The following BMPER variants were observed in gnomAD, a reference collection of about 807,000 sequenced individuals.
The protein encoded by BMPER is BMP-binding endothelial regulator protein.
Under a neutral mutation model 87.3 loss-of-function variants are expected in BMPER, and 45 were observed. That is an observed-to-expected ratio of 0.52 (90% confidence interval 0.41 to 0.66). The LOEUF is 0.66. Among genes scored for constraint, BMPER ranks in the 30% least tolerant of loss-of-function variants. BMPER has a pLI of 0.00. For missense variants in BMPER, 784 were observed against 867.5 expected (o/e 0.90, Z 1.21); for synonymous variants, 326 against 316.2 (o/e 1.03, Z -0.33).
chr7:34,127,522 G>A (rs747405393), intron 13 of BMPER, among the ~76,000 whole-genome samples: 1 of 152,014 alleles, frequency 6.6e-6, no homozygotes, highest in Non-Finnish European at 1.5e-5. Flanking sequence ...CCAAGAACCA[G>A]TTGTTGAACA....
chr7:34,104,493 T>A (rs1004150507), intron 13 of BMPER, among the ~76,000 whole-genome samples: 4 of 152,250 alleles, frequency 2.6e-5, no homozygotes, highest in African/African-American at 7.2e-5. Context: ...ACCTTGAGAC[T>A]TGTTGAACAA....
intron 9 of BMPER, among the ~76,000 whole-genome samples, chr7:34,056,297 T>C (rs931420749): frequency 6.6e-6 from 1 of 152,126 alleles, no homozygotes; most frequent in African/African-American, 2.4e-5. Context: ...CTGGGCTTAA[T>C]AACTAGGTGA....
At chr7:34,058,800 A>T (rs969637426) in intron 10 of BMPER, among the ~76,000 whole-genome samples, 5 of 152,250 alleles carry the variant, frequency 3.3e-5, no homozygotes, top group Non-Finnish European at 4.4e-5. Context: ...AAAGTTTTAT[A>T]CATTTTGGGA....
At chr7:34,093,334 T>C (rs1370998145) in intron 13 of BMPER, among the ~76,000 whole-genome samples, 1 of 152,242 alleles carries the variant, frequency 6.6e-6, no homozygotes, top group Admixed American at 6.5e-5. Context: ...CCCGATCGCA[T>C]GCCACCTGCA....
intron 3 of BMPER, among the ~76,000 whole-genome samples, chr7:33,943,969 G>A (rs1277617307): frequency 6.6e-6 from 1 of 152,140 alleles, no homozygotes; most frequent in East Asian, 1.9e-4. Context: ...ACAATAAAGT[G>A]TAGAAAGCAC....
intron 3 of BMPER, among the ~76,000 whole-genome samples, chr7:33,962,136 C>A (rs1268120084): frequency 6.6e-6 from 1 of 152,088 alleles, no homozygotes; most frequent in African/African-American, 2.4e-5. Flanking sequence ...ATAATGTGGC[C>A]ACTGAAAAAG....
At chr7:33,913,498 A>G (rs1784011167) in intron 2 of BMPER, among the ~76,000 whole-genome samples, 1 of 152,172 alleles carries the variant, frequency 6.6e-6, no homozygotes, top group South Asian at 2.1e-4. Context: ...TTGTGTGGTC[A>G]GGTGAGAGCA....
chr7:34,031,935 C>T (rs866105931), intron 6 of BMPER, among the ~76,000 whole-genome samples: 1 of 131,072 alleles, frequency 7.6e-6, no homozygotes, highest in Non-Finnish European at 1.6e-5. Flanking sequence ...TATACACACA[C>T]ACACACACAT....
intron 6 of BMPER, among the ~76,000 whole-genome samples, chr7:34,002,425 A>C (rs576742193): frequency 1.3e-4 from 20 of 151,912 alleles, no homozygotes; most frequent in Admixed American, 7.9e-4. Context: ...AGGCTAAGCT[A>C]TGAAGTTTGG....
intron 3 of BMPER, among the ~76,000 whole-genome samples, chr7:33,938,863 T>TA (rs1439711986): frequency 6.6e-6 from 1 of 152,072 alleles, no homozygotes; most frequent in Admixed American, 6.6e-5. Context: ...CTGTCTCTAC[T>TA]AAAAATATAA....
intron 6 of BMPER, among the ~76,000 whole-genome samples, chr7:33,984,194 G>T (rs1785937080): frequency 6.6e-6 from 1 of 152,192 alleles, no homozygotes; most frequent in African/African-American, 2.4e-5. Flanking sequence ...CCAGCCAGGT[G>T]TAGTGGCTCA....
At chr7:33,962,307 T>A (rs887001153) in intron 3 of BMPER, among the ~76,000 whole-genome samples, 1 of 152,226 alleles carries the variant, frequency 6.6e-6, no homozygotes, top group African/African-American at 2.4e-5. Context: ...TTTTCCACCC[T>A]GAAAATAATT....
At chr7:34,057,204 A>G (rs1488428176) in intron 9 of BMPER, among the ~76,000 whole-genome samples, 1 of 152,172 alleles carries the variant, frequency 6.6e-6, no homozygotes, top group Non-Finnish European at 1.5e-5. Flanking sequence ...AAGCTCAGGA[A>G]GGAATCCTTG....
intron 4 of BMPER, 104 bp from the exon 5 acceptor site, chr7:33,970,225 G>A (rs1330218472): frequency 1.7e-6 from 2 of 1,147,540 alleles, no homozygotes; most frequent in Non-Finnish European, 2.6e-6. Context: ...ACCAAACCTT[G>A]TGGTTTTTGT....
intron 3 of BMPER, among the ~76,000 whole-genome samples, chr7:33,954,076 G>T (rs1248421960): frequency 6.6e-6 from 1 of 152,122 alleles, no homozygotes; most frequent in East Asian, 1.9e-4. Context: ...ATTCCACTGG[G>T]CATCTATATT....
intron 13 of BMPER, among the ~76,000 whole-genome samples, chr7:34,139,434 ATTC>A (rs1316469458): frequency 6.6e-6 from 1 of 152,238 alleles, no homozygotes. Flanking sequence ...CTTTCATGAT[ATTC>A]TTTTGTGTAG....
chr7:34,051,636 A>T (rs1788147745), intron 7 of BMPER, among the ~76,000 whole-genome samples: 1 of 152,164 alleles, frequency 6.6e-6, no homozygotes, highest in East Asian at 1.9e-4. Flanking sequence ...GATTTGTTGA[A>T]CTTACAAGCT....
intron 6 of BMPER, among the ~76,000 whole-genome samples, chr7:34,037,392 A>G (rs1787708025): frequency 6.6e-6 from 1 of 152,172 alleles, no homozygotes; most frequent in Admixed American, 6.5e-5. Context: ...GAAAGAAGGC[A>G]TCTAGCTGTG....
chr7:34,073,085 G>T (rs1329160793), intron 11 of BMPER, among the ~76,000 whole-genome samples: 5 of 151,896 alleles, frequency 3.3e-5, no homozygotes, highest in Non-Finnish European at 7.4e-5. Flanking sequence ...GTTCAGTGTG[G>T]GCAATTTTTT....
Sources: allele counts gnomAD v4.1 joint callset (sites outside exome capture counted in the v4.1 genomes callset), GRCh38; gene constraint gnomAD v4.1.1; transcripts MANE v1.5; gene names NCBI Gene and HGNC (gene_info 2026-07-23, HGNC 2026-07-21).